Variants in TNR observed in about 807,000 individuals in gnomAD.
The protein encoded by TNR is tenascin-R.
Under a neutral mutation model 150.4 loss-of-function variants are expected in TNR, and 45 were observed. The ratio of observed to expected loss-of-function variants is 0.30; its 90% CI spans 0.24 to 0.38. TNR has a LOEUF of 0.38. Among genes scored for constraint, TNR ranks in the 10% least tolerant of loss-of-function variants. The pLI, the probability that TNR is intolerant of heterozygous loss-of-function variation, is 1.00. For missense variants in TNR, 1,544 were observed against 1,759.1 expected (o/e 0.88, Z 2.19); for synonymous variants, 687 against 678.4 (o/e 1.01, Z -0.20).
chr1:175,391,155 A>G (rs1430260872), intron 7 of TNR, 133 bp downstream of exon 7: 3 of 1,085,388 alleles, frequency 2.8e-6, no homozygotes, highest in African/African-American at 1.6e-5. Flanking sequence ...CTCCATTGCC[A>G]GGTACCAGAA....
chr1:175,510,374 A>G (rs1012572315), intron 2 of TNR, among the ~76,000 whole-genome samples: 2 of 152,128 alleles, frequency 1.3e-5, no homozygotes, highest in African/African-American at 4.8e-5. Context: ...AGCAAAGAAA[A>G]AAAAAAAGAC....
intron 1 of TNR, among the ~76,000 whole-genome samples, chr1:175,662,688 G>T (rs1413516200): frequency 6.6e-6 from 1 of 152,170 alleles, no homozygotes; most frequent in African/African-American, 2.4e-5. Context: ...CTGTCCTCAG[G>T]ACCCAAAGAA....
chr1:175,738,863 A>C (rs1347626922), intron 1 of TNR, among the ~76,000 whole-genome samples: 1 of 152,216 alleles, frequency 6.6e-6, no homozygotes, highest in Non-Finnish European at 1.5e-5. Context: ...TAAGGAGATG[A>C]AACTCTAGTT....
At chr1:175,548,900 T>G (rs1660826058) in intron 1 of TNR, among the ~76,000 whole-genome samples, 1 of 152,228 alleles carries the variant, frequency 6.6e-6, no homozygotes, top group Admixed American at 6.5e-5. Context: ...TCAAGGTTTC[T>G]GGAAATTAGT....
chr1:175,452,930 T>C (rs1656390225), intron 2 of TNR, among the ~76,000 whole-genome samples: 2 of 152,228 alleles, frequency 1.3e-5, no homozygotes, highest in African/African-American at 2.4e-5. Context: ...GAAGTCATTA[T>C]GTGGAGGGAG....
At chr1:175,614,461 T>C (rs905347595) in intron 1 of TNR, among the ~76,000 whole-genome samples, 1 of 152,206 alleles carries the variant, frequency 6.6e-6, no homozygotes, top group African/African-American at 2.4e-5. Context: ...TTAAGAGAAG[T>C]CCCTGCTCTG....
At chr1:175,440,522 TATA>T (rs1391313171) in intron 2 of TNR, among the ~76,000 whole-genome samples, 1 of 149,336 alleles carries the variant, frequency 6.7e-6, no homozygotes, top group Admixed American at 6.7e-5. Flanking sequence ...AAACTTAAAG[TATA>T]ATAATAATAA....
chr1:175,325,908 A>T (rs1046859348), intron 21 of TNR, among the ~76,000 whole-genome samples: 1 of 152,138 alleles, frequency 6.6e-6, no homozygotes, highest in Non-Finnish European at 1.5e-5. Flanking sequence ...TAGGAGATAT[A>T]CCTAATGTAA....
In TNR at chr1:175,391,376, T is replaced by G. The variant is rs767007433; in HGVS notation, c.1419A>C (p.Gly473=). 1.9e-6 allele frequency: 3 copies of G among 1,614,218 alleles called. No individual in the cohort carries two copies. In the South Asian group the frequency reaches 3.3e-5, roughly 18 times the overall value. Residue 473 remains glycine (G), a synonymous_variant, in exon 7 of 23, where the codon GGA becomes GGC. Coordinates refer to ENST00000367674, the MANE Select transcript of TNR (RefSeq NM_003285.3). The part of the protein sequence containing the change: ...PSDVTSFNQT[G]LKPGEEYIVN... Reference sequence around the variant, plus strand: ...CAATGTATTCCTCCCCAGGCTTTAGTCCTGTCTGGTTAAAGGACGTAACAT... The same window carrying G: ...CAATGTATTCCTCCCCAGGCTTTAGGCCTGTCTGGTTAAAGGACGTAACAT...
chr1:175,383,075 C>T (rs966966953), intron 8 of TNR, among the ~76,000 whole-genome samples: 9 of 151,988 alleles, frequency 5.9e-5, no homozygotes, highest in Non-Finnish European at 1.2e-4. Context: ...AGAATCATTC[C>T]GATCTCGGCC....
At chr1:175,331,082 T>TTCTTTCC (rs1649836627) in intron 20 of TNR, among the ~76,000 whole-genome samples, 1 of 86,430 alleles carries the variant, frequency 1.2e-5, no homozygotes, top group Non-Finnish European at 2.6e-5. Flanking sequence ...TCTTTCCTTC[T>TTCTTTCC]TTCTTTCTTT....
intron 5 of TNR, among the ~76,000 whole-genome samples, chr1:175,394,990 A>G (rs555730063): frequency 1.3e-5 from 2 of 152,148 alleles, no homozygotes; most frequent in East Asian, 3.8e-4. Context: ...AAAGCGGCAG[A>G]TGGTGACCTG....
intron 1 of TNR, among the ~76,000 whole-genome samples, chr1:175,586,729 G>C (rs972904438): frequency 2.6e-5 from 4 of 152,228 alleles, no homozygotes; most frequent in Admixed American, 1.3e-4. Flanking sequence ...TGTTCCAGAA[G>C]TTTTGGTGAG....
chr1:175,493,425 G>A (rs1425984679), intron 2 of TNR, among the ~76,000 whole-genome samples: 4 of 152,210 alleles, frequency 2.6e-5, no homozygotes, highest in Non-Finnish European at 5.9e-5. Context: ...AGAAGTGAGA[G>A]GTGAGTGCCT....
chr1:175,449,685 A>T (rs1052958010), intron 2 of TNR, among the ~76,000 whole-genome samples: 3 of 152,340 alleles, frequency 2.0e-5, no homozygotes, highest in Middle Eastern at 3.4e-3. Flanking sequence ...CAGAAGAAGC[A>T]TGGGGATCCC....
chr1:175,418,648 C>T (rs893529524), intron 2 of TNR, among the ~76,000 whole-genome samples: 5 of 151,732 alleles, frequency 3.3e-5, no homozygotes, highest in Admixed American at 6.6e-5. Context: ...TGCTTGAACC[C>T]GGGAGGCGGA....
At chr1:175,325,375 C>T (rs192586391) in intron 21 of TNR, among the ~76,000 whole-genome samples, 10 of 152,294 alleles carry the variant, frequency 6.6e-5, no homozygotes, top group African/African-American at 1.9e-4. Context: ...ACAGCAGGTG[C>T]TGGAGAGGAT....
At chr1:175,331,128 T>TTCTTTCTTTCTTTCTCTCTC (rs1649865137) in intron 20 of TNR, among the ~76,000 whole-genome samples, 1 of 147,932 alleles carries the variant, frequency 6.8e-6, no homozygotes. Context: ...CTTTCTTTCT[T>TTCTTTCTTTCTTTCTCTCTC]TCTTTTCTTT....
intron 2 of TNR, among the ~76,000 whole-genome samples, chr1:175,456,661 A>G (rs1221405177): frequency 6.6e-6 from 1 of 152,180 alleles, no homozygotes; most frequent in African/African-American, 2.4e-5. Context: ...TCTTGAAAAC[A>G]TCCTAGAGCC....
Sources: gnomAD v4.1 joint callset for allele counts (sites outside exome capture counted in the v4.1 genomes callset) on GRCh38, gnomAD v4.1.1 for gene constraint, MANE v1.5 for transcripts, NCBI Gene and HGNC (gene_info 2026-07-23, HGNC 2026-07-21) for gene names.